The following SH2B1 variants were observed in gnomAD, a reference collection of about 807,000 sequenced individuals.
The protein encoded by SH2B1 is SH2B adaptor protein 1, also known as SH2B adapter protein 1.
SH2B1 carries 15 observed loss-of-function variants against 62.6 expected under a neutral mutation model. That is an observed-to-expected ratio of 0.24 (90% CI 0.16 to 0.37). The LOEUF is 0.37. SH2B1 is among the 10% of genes least tolerant of loss of function. SH2B1 has a pLI of 1.00. For missense variants in SH2B1, 925 were observed against 1,015.6 expected, an observed-to-expected ratio of 0.91 and a Z score of 1.21; for synonymous variants, 443 against 438.0, an observed-to-expected ratio of 1.01 and a Z score of -0.14.
In SH2B1 at chr16:28,865,963, T is replaced by C; in HGVS notation, c.-132T>C. The C allele has an allele frequency of 6.9e-7, 1 of 1,459,042 alleles. No homozygotes were observed. Among genetic ancestry groups the C allele is most frequent in the South Asian group, 1.5e-5 (1 of 68,468 alleles). The allele number at this position is 1,459,042 out of a possible 1,614,324, so 90.4% of individuals were successfully genotyped here. On this transcript the variant is annotated 5_prime_UTR_variant, in exon 1 of 8. Coordinates refer to ENST00000684370, the MANE Select transcript of SH2B1 (RefSeq NM_001387430.1). ...GCTGGGGGTGGGATGCAGCCTCCGGTGCGCCCTCAGCAGTGACCCTCGTGT... is the reference window on the plus strand; with the variant it reads ...GCTGGGGGTGGGATGCAGCCTCCGGCGCGCCCTCAGCAGTGACCCTCGTGT...
At chr16:28,851,459 CTT>C (rs369515117) in intron 1 of SH2B1, among the ~76,000 whole-genome samples, 71 of 138,492 alleles carry the variant, frequency 5.1e-4, no homozygotes, top group Admixed American at 8.1e-4. Context: ...CGCCTTTCTT[CTT>C]TTTTTTTTTT....
At chr16:28,853,087 T>G (rs1179676092) in intron 1 of SH2B1, among the ~76,000 whole-genome samples, 1 of 119,480 alleles carries the variant, frequency 8.4e-6, no homozygotes, top group East Asian at 2.3e-4. Flanking sequence ...TTTATATATA[T>G]TTATACATAT....
chr16:28,865,503 C>T lies in SH2B1; in HGVS notation c.-592C>T. ...TGAGGTGCTATGGCTGAGGCTGGCC[C>T]AGCCGGGCCCTGGGGACAGGGACTA... On this transcript the variant is annotated 5_prime_UTR_variant, in exon 1 of 8. Transcript: ENST00000684370. 1 of 985,664 alleles carries T rather than the reference C, an allele frequency of 1.0e-6. No individual in the cohort carries two copies. The highest frequency in any genetic ancestry group is 1.7e-5 in the African/African-American group (1 of 57,366). The allele number at this position is 985,664 out of a possible 1,614,324, so 61.1% of individuals were successfully genotyped here.
chr16:28,851,339 A>G (rs1962094786), intron 1 of SH2B1, among the ~76,000 whole-genome samples: 2 of 151,640 alleles, frequency 1.3e-5, no homozygotes, highest in African/African-American at 4.8e-5. Flanking sequence ...GTGTGACCCC[A>G]CGTTTTACTA....
rs769611098 is a variant in SH2B1, at chr16:28,872,526, G to A, written c.1726-8G>A. ...CCTCCTACCTCACCTCCCCCATCCC[G>A]CCCTCAGCACCTGCGTTTGTCGCTG... On this transcript the variant is annotated splice_polypyrimidine_tract_variant and splice_region_variant and intron_variant, in intron 6 of 7. Coordinates refer to ENST00000684370, the MANE Select transcript of SH2B1 (RefSeq NM_001387430.1). The surrounding 1 kb of genome is among the most constrained non-coding windows in gnomAD (Gnocchi z 5.3). The A allele has an allele frequency of 3.1e-6, 5 of 1,606,910 alleles. No individual in the cohort carries two copies. The highest frequency in any genetic ancestry group is 1.7e-5 in the Admixed American group (1 of 59,854).
At position 28,873,297 on chromosome 16, in the gene SH2B1, C is replaced by T. The variant is rs762407660; in HGVS notation, c.1898-150C>T. On this transcript the variant is annotated intron_variant, in intron 7 of 7. Transcript: ENST00000684370. This position sits in a 1 kb window ranked among gnomAD's most constrained non-coding sequence, Gnocchi z 4.2. The stretch of plus-strand genomic sequence containing the variant: ...AAGTGTGGTCCTCCTCTCACCACCG[C>T]CCATGATCCATCTTCCATGGATGGG... 7 of 1,599,264 alleles carry T rather than the reference C, an allele frequency of 4.4e-6. No homozygotes were observed. Among genetic ancestry groups the T allele is most frequent in the Non-Finnish European group, 6.0e-6 (7 of 1,172,328 alleles).
chr16:28,859,274 G>C (rs1962385965), upstream of SH2B1, among the ~76,000 whole-genome samples: 1 of 151,976 alleles, frequency 6.6e-6, no homozygotes. Context: ...TAGGTTTGGG[G>C]ATACATGTGA....
At position 28,872,941 on chromosome 16, in the gene SH2B1, G is replaced by T; in HGVS notation, c.1897+236G>T. 1 of 649,296 alleles carries T rather than the reference G, an allele frequency of 1.5e-6. No homozygotes were observed. The highest frequency in any genetic ancestry group is 2.7e-6 in the Non-Finnish European group (1 of 374,472). 40.2% of individuals were successfully genotyped at this position (649,296 alleles called of 1,614,324 possible). A position where few individuals can be genotyped will look rare whatever the true frequency, so the allele number is the denominator to read the frequency against. On this transcript the variant is annotated intron_variant, in intron 7 of 7. Coordinates refer to ENST00000684370, the MANE Select transcript of SH2B1 (RefSeq NM_001387430.1). This position sits in a 1 kb window ranked among gnomAD's most constrained non-coding sequence, Gnocchi z 5.3. ...CCGGGGCGGCAGCTGAGAGGTGGGC[G>T]GGCGCATCCCCATTCCATCGGATCC... is the stretch of plus-strand genomic sequence containing the variant.
rs1485226955 is a variant in SH2B1, at chr16:28,873,859, C to G, written c.*39C>G. 7.1e-7 allele frequency: 1 copy of G among 1,400,078 alleles called. No individual in the cohort carries two copies. The highest frequency in any genetic ancestry group is 1.5e-5 in the African/African-American group (1 of 67,966). 86.7% of individuals were successfully genotyped at this position (1,400,078 alleles called of 1,614,324 possible). ...GCTCCACCCTTTTTAAACCCCCCAG[C>G]CCTGCTCGTGAGATTGGGCTGGGTA... On this transcript the variant is annotated 3_prime_UTR_variant, in exon 8 of 8. Coordinates refer to ENST00000684370, the MANE Select transcript of SH2B1 (RefSeq NM_001387430.1). The surrounding 1 kb of genome is among the most constrained non-coding windows in gnomAD (Gnocchi z 4.2).
chr16:28,870,167 G>C (rs577688074), intron 4 of SH2B1, among the ~76,000 whole-genome samples: 1 of 152,376 alleles, frequency 6.6e-6, no homozygotes, highest in Admixed American at 6.5e-5. Flanking sequence ...GTGGCCTGCT[G>C]TTGGACAGAC....
chr16:28,867,112 T>G, intron 1 of SH2B1, 79 bp downstream of exon 1: 79 of 1,570,606 alleles, frequency 5.0e-5, no homozygotes, highest in Non-Finnish European at 6.3e-5. Context: ...AGATAAGCTC[T>G]GGGGTTTACC....
rs1963152209 is a variant in SH2B1 at position 28,873,319 on chromosome 16, TG to T, written c.1898-122del. 5.0e-6 allele frequency: 8 copies of T among 1,595,106 alleles called. No homozygotes were observed. Among genetic ancestry groups the T allele is most frequent in the Non-Finnish European group, 3.4e-6 (4 of 1,170,384 alleles). ...CCGCCCATGATCCATCTTCCATGGATGGGGGGTTGCTCAGGAGATGGGATGT... is the reference window on the plus strand; with the variant it reads ...CCGCCCATGATCCATCTTCCATGGATGGGGGTTGCTCAGGAGATGGGATGT... On this transcript the variant is annotated intron_variant, in intron 7 of 7. Transcript: ENST00000684370. This position sits in a 1 kb window ranked among gnomAD's most constrained non-coding sequence, Gnocchi z 4.2.
rs149345980 is a variant in SH2B1 at position 28,866,772 on chromosome 16, C to T, written c.678C>T (p.His226=). 6.3e-7 allele frequency: 1 copy of T among 1,580,106 alleles called. No individual in the cohort carries two copies. The highest frequency in any genetic ancestry group is 8.6e-7 in the Non-Finnish European group (1 of 1,164,062). The change falls in exon 1 of 8, where the codon CAC becomes CAT. Residue 226 remains histidine, a synonymous_variant. Transcript: ENST00000684370. The surrounding 1 kb of genome is among the most constrained non-coding windows in gnomAD (Gnocchi z 6.3). Reference sequence around the variant, plus strand: ...CGTCCCCTGGGGAAAGATGGACTCACCGTTTTGAGAGGCTGAGACTCAGTC... The same window carrying T: ...CGTCCCCTGGGGAAAGATGGACTCATCGTTTTGAGAGGCTGAGACTCAGTC... ...DGTSPGERWT[H]RFERLRLSRG... is the part of the protein sequence containing the mutation.
At chr16:28,858,946 A>AG (rs1360263619), upstream of SH2B1, among the ~76,000 whole-genome samples, 6 of 150,098 alleles carry the variant, frequency 4.0e-5, no homozygotes, top group African/African-American at 1.5e-4. Flanking sequence ...TGTTTCTCAA[A>AG]AAAAAAAAAA....
upstream of SH2B1, among the ~76,000 whole-genome samples, chr16:28,858,951 A>AAT (rs1339474976): frequency 2.6e-5 from 4 of 151,962 alleles, no homozygotes; most frequent in Admixed American, 6.6e-5. Flanking sequence ...CTCAAAAAAA[A>AAT]AAAAAAAAAA....
chr16:28,868,149 A>AT (rs1416577703), intron 2 of SH2B1, among the ~76,000 whole-genome samples: 5 of 126,874 alleles, frequency 3.9e-5, no homozygotes, highest in East Asian at 2.4e-4. Context: ...TTATTTATTT[A>AT]TTTTTTTTGA....
chr16:28,873,089 C>G lies in SH2B1; in HGVS notation c.1898-358C>G. 2.2e-6 allele frequency: 2 copies of G among 929,362 alleles called. No individual in the cohort carries two copies. The highest frequency in any genetic ancestry group is 3.2e-6 in the Non-Finnish European group (2 of 627,694). 57.6% of individuals were successfully genotyped at this position (929,362 alleles called of 1,614,324 possible). On this transcript the variant is annotated intron_variant, in intron 7 of 7. Coordinates refer to ENST00000684370, the MANE Select transcript of SH2B1 (RefSeq NM_001387430.1). This position sits in a 1 kb window ranked among gnomAD's most constrained non-coding sequence, Gnocchi z 4.2. ...GGTCTGATCCCCTTCCCTCCTCCCT[C>G]AATGTCTCATGTCCCTGTCTGATCT... is the stretch of plus-strand genomic sequence containing the variant.
chr16:28,865,675 T>G lies in SH2B1; in HGVS notation c.-420T>G. On this transcript the variant is annotated 5_prime_UTR_variant, in exon 1 of 8. An upstream start codon of the reference 5' UTR is lost. Coordinates refer to ENST00000684370, the MANE Select transcript of SH2B1 (RefSeq NM_001387430.1). The stretch of plus-strand genomic sequence containing the variant: ...AGAATGGCTCATGGGAAGTGTGACA[T>G]GAATATTGGAGGATCCGATGTAGAG... 5 of 996,070 alleles carry G rather than the reference T, an allele frequency of 5.0e-6. No individual in the cohort carries two copies. The highest frequency in any genetic ancestry group is 3.5e-5 in the African/African-American group (2 of 57,678). The allele number at this position is 996,070 out of a possible 1,614,324, so 61.7% of individuals were successfully genotyped here. A position where few individuals can be genotyped will look rare whatever the true frequency, so the allele number is the denominator to read the frequency against.
chr16:28,863,969 C>A lies in SH2B1; in HGVS notation c.-2126C>A. The A allele has an allele frequency of 6.9e-7, 1 of 1,441,458 alleles. No individual in the cohort carries two copies. Among genetic ancestry groups the A allele is most frequent in the Non-Finnish European group, 9.1e-7 (1 of 1,103,512 alleles). The allele number at this position is 1,441,458 out of a possible 1,614,324, so 89.3% of individuals were successfully genotyped here. On this transcript the variant is annotated 5_prime_UTR_variant, in exon 1 of 8. Coordinates refer to ENST00000684370, the MANE Select transcript of SH2B1 (RefSeq NM_001387430.1). ...AGGTGGGACCGGAACCGGAACCCCC[C>A]TCTTCAAGTACCTTTTCCCTCTCCG...
Sources: gnomAD v4.1 joint callset for allele counts (sites outside exome capture counted in the v4.1 genomes callset) on GRCh38, gnomAD v4.1.1 for gene constraint, Gnocchi (gnomAD v3.1) non-coding constraint, MANE v1.5 for transcripts, NCBI Gene and HGNC (gene_info 2026-07-23, HGNC 2026-07-21) for gene names.